The following CNTN6 variants were observed in gnomAD, a reference collection of about 807,000 sequenced individuals.
CNTN6 encodes contactin 6.
A neutral mutation model predicts 122.8 loss-of-function variants in CNTN6; 137 were observed. That is an observed-to-expected ratio of 1.12 (90% CI 0.97 to 1.29). The LOEUF (loss-of-function observed/expected upper bound fraction) is 1.29. CNTN6 is among the 50% of genes most tolerant of loss of function. The pLI is 0.00. For synonymous variants in CNTN6, 570 were observed against 426.0 expected, an observed-to-expected ratio of 1.34 and a Z score of -4.16; for missense variants, 1,634 against 1,223.4, an observed-to-expected ratio of 1.34 and a Z score of -5.01.
chr3:1,389,336 A>T (rs1253000499), intron 20 of CNTN6, among the ~76,000 whole-genome samples: 1 of 152,070 alleles, frequency 6.6e-6, no homozygotes, highest in South Asian at 2.1e-4. Flanking sequence ...AAGGAGAAAT[A>T]AAATACTTTA....
intron 4 of CNTN6, among the ~76,000 whole-genome samples, chr3:1,243,270 A>G (rs558335205): frequency 7.0e-4 from 106 of 152,284 alleles, no homozygotes; most frequent in African/African-American, 2.3e-3. Flanking sequence ...TGGCACTTGT[A>G]GCAAGCTCCT....
At chr3:1,332,951 T>A (rs1366702772) in intron 11 of CNTN6, among the ~76,000 whole-genome samples, 3 of 152,100 alleles carry the variant, frequency 2.0e-5, no homozygotes, top group African/African-American at 7.2e-5. Context: ...CAAATTGTCA[T>A]GGCTTTAAGA....
chr3:1,314,495 A>G (rs1038336908), intron 7 of CNTN6, among the ~76,000 whole-genome samples: 5 of 152,122 alleles, frequency 3.3e-5, no homozygotes, highest in Non-Finnish European at 5.9e-5. Flanking sequence ...GGAGAAATAC[A>G]AGCTTTCTCA....
At chr3:1,350,098 A>G (rs927477431) in intron 11 of CNTN6, among the ~76,000 whole-genome samples, 4 of 151,898 alleles carry the variant, frequency 2.6e-5, no homozygotes, top group Admixed American at 6.6e-5. Context: ...ACTTTGAAGT[A>G]AAGAAAAAAT....
intron 1 of CNTN6, among the ~76,000 whole-genome samples, chr3:1,103,048 G>A (rs911936091): frequency 6.6e-5 from 10 of 151,770 alleles, no homozygotes; most frequent in Admixed American, 2.0e-4. Context: ...GGAGCTTGCA[G>A]TGAGCCAAGA....
chr3:1,180,950 AT>A (rs1326125815), intron 2 of CNTN6, among the ~76,000 whole-genome samples: 3 of 151,268 alleles, frequency 2.0e-5, no homozygotes, highest in African/African-American at 4.9e-5. Context: ...ACTTGTTCTT[AT>A]TTTTTTTACT....
chr3:1,268,737 C>T (rs2094971560), intron 4 of CNTN6, among the ~76,000 whole-genome samples: 1 of 151,724 alleles, frequency 6.6e-6, no homozygotes, highest in South Asian at 2.1e-4. Flanking sequence ...CGAATAGGCA[C>T]AGAAGTAAGT....
intron 20 of CNTN6, among the ~76,000 whole-genome samples, chr3:1,400,899 G>A (rs918743664): frequency 2.0e-4 from 30 of 152,162 alleles, no homozygotes; most frequent in African/African-American, 6.5e-4. Context: ...AGACTCTGCT[G>A]CAATCTGCCA....
intron 1 of CNTN6, among the ~76,000 whole-genome samples, chr3:1,106,443 C>T (rs377674197): frequency 1.3e-5 from 2 of 151,892 alleles, no homozygotes; most frequent in African/African-American, 4.8e-5. Context: ...GTTTTTGGAA[C>T]AAACCTGTGT....
intron 1 of CNTN6, among the ~76,000 whole-genome samples, chr3:1,137,154 G>A (rs1217401789): frequency 1.3e-5 from 2 of 152,118 alleles, no homozygotes; most frequent in African/African-American, 4.8e-5. Context: ...GTGTAGAGAT[G>A]GTATACACGA....
At chr3:1,371,246 T>C (rs58704200) in intron 12 of CNTN6, among the ~76,000 whole-genome samples, 15,537 of 152,162 alleles carry the variant, frequency 0.1, 1,007 homozygotes, top group Middle Eastern at 0.14. Context: ...AAGATTTTAG[T>C]CCATTTCTTA....
rs538781514 is a variant in CNTN6, at chr3:1,234,500, C to T, written c.358+6507C>T. On this transcript the variant is annotated intron_variant, in intron 4 of 22. Coordinates refer to ENST00000446702, the MANE Select transcript of CNTN6 (RefSeq NM_001289080.2). ...ATATAAAAGCAGTTATATGTGCTCC[C>T]GATGATATGGTGATAAAGTGCATTT... is the stretch of plus-strand genomic sequence containing the variant. Among the ~76,000 whole-genome samples the T allele has an allele frequency of 1.1e-3, 161 of 151,922 alleles. 2 individuals carry two copies. The highest frequency in any genetic ancestry group is 3.6e-3 in the African/African-American group (151 of 41,446).
At chr3:1,096,715 A>G (rs1176886521) in intron 1 of CNTN6, among the ~76,000 whole-genome samples, 1 of 152,124 alleles carries the variant, frequency 6.6e-6, no homozygotes, top group African/African-American at 2.4e-5. Flanking sequence ...TTTTTGGGCA[A>G]TCTGTATCCT....
intron 5 of CNTN6, among the ~76,000 whole-genome samples, chr3:1,290,543 C>G (rs1172467074): frequency 6.6e-6 from 1 of 152,144 alleles, no homozygotes; most frequent in Non-Finnish European, 1.5e-5. Flanking sequence ...CAGATCCGGA[C>G]TCCATGAGAG....
chr3:1,309,395 C>T (rs972171123), intron 7 of CNTN6, among the ~76,000 whole-genome samples: 3 of 152,138 alleles, frequency 2.0e-5, no homozygotes, highest in Admixed American at 6.5e-5. Context: ...AAATTTTTCT[C>T]CACTGTATTG....
intron 1 of CNTN6, among the ~76,000 whole-genome samples, chr3:1,111,332 A>T (rs2091470595): frequency 6.6e-6 from 1 of 152,204 alleles, no homozygotes; most frequent in Admixed American, 6.5e-5. Flanking sequence ...ATATAGTTTC[A>T]GGCACTTTCT....
intron 1 of CNTN6, among the ~76,000 whole-genome samples, chr3:1,107,156 C>T (rs1260456183): frequency 6.6e-6 from 1 of 151,998 alleles, no homozygotes; most frequent in Non-Finnish European, 1.5e-5. Context: ...TTAATATGGG[C>T]AAACCATAGC....
intron 20 of CNTN6, among the ~76,000 whole-genome samples, chr3:1,386,879 T>A (rs1020713267): frequency 6.6e-6 from 1 of 152,130 alleles, no homozygotes; most frequent in Non-Finnish European, 1.5e-5. Context: ...AAAATAAAGT[T>A]ATATTAAAGT....
At chr3:1,115,034 G>A (rs2091654449) in intron 1 of CNTN6, among the ~76,000 whole-genome samples, 1 of 152,112 alleles carries the variant, frequency 6.6e-6, no homozygotes, top group Non-Finnish European at 1.5e-5. Context: ...GAAAATATTT[G>A]TAGGTAAATT....
Sources: gnomAD v4.1 joint callset for allele counts (sites outside exome capture counted in the v4.1 genomes callset) on GRCh38, gnomAD v4.1.1 for gene constraint, MANE v1.5 for transcripts, NCBI Gene and HGNC (gene_info 2026-07-23, HGNC 2026-07-21) for gene names.